KCND3: variants seen among roughly 807,000 people sequenced by gnomAD.
KCND3 encodes the protein potassium voltage-gated channel subfamily D member 3.
Under a neutral mutation model 51.1 loss-of-function variants are expected in KCND3, and 9 were observed. The observed-to-expected ratio is 0.18, with a 90% CI of 0.11 to 0.31. The LOEUF is 0.31. KCND3 is among the 10% of genes least tolerant of loss of function. The pLI, the probability that KCND3 is intolerant of heterozygous loss-of-function variation, is 1.00. For missense variants in KCND3, 526 were observed against 903.8 expected (o/e 0.58, Z 5.36); for synonymous variants, 349 against 368.0 (o/e 0.95, Z 0.59).
chr1:111,791,813 C>T (rs1408803004), intron 2 of KCND3, among the ~76,000 whole-genome samples: 1 of 152,112 alleles, frequency 6.6e-6, no homozygotes, highest in African/African-American at 2.4e-5. Flanking sequence ...CATTTTTATT[C>T]AAATAATCAA....
intron 2 of KCND3, among the ~76,000 whole-genome samples, chr1:111,791,369 C>T (rs915938545): frequency 2.6e-5 from 4 of 152,208 alleles, no homozygotes; most frequent in Non-Finnish European, 4.4e-5. Flanking sequence ...CTGCAACAAG[C>T]AAAGCTCTGG....
At chr1:111,944,508 G>A (rs971228773) in intron 2 of KCND3, among the ~76,000 whole-genome samples, 2 of 152,196 alleles carry the variant, frequency 1.3e-5, no homozygotes, top group African/African-American at 4.8e-5. Flanking sequence ...ACCTTTGCGA[G>A]GTGAAGCCCG....
rs892098327 is a variant in KCND3, at chr1:111,982,929, TCC to T, written c.-72-133_-72-132del. ...CCAGGGCAGATTAATAAAACTGAAA[TCC>T]CCACCACAGAGAGGGGACTTGATTC... On this transcript the variant is annotated intron_variant, in intron 1 of 7. Transcript: ENST00000302127. The surrounding 1 kb of genome is among the most constrained non-coding windows in gnomAD (Gnocchi z 8.5). The T allele has an allele frequency of 1.5e-6, 1 of 682,112 alleles. No homozygotes were observed. The highest frequency in any genetic ancestry group is 1.8e-5 in the African/African-American group (1 of 55,484). The allele number at this position is 682,112 out of a possible 1,614,324, so 42.3% of individuals were successfully genotyped here.
At chr1:111,845,728 G>A (rs1305479407) in intron 2 of KCND3, among the ~76,000 whole-genome samples, 3 of 152,188 alleles carry the variant, frequency 2.0e-5, no homozygotes, top group Non-Finnish European at 4.4e-5. Context: ...GACAAACAGA[G>A]TGAGACACAG....
chr1:111,903,536 A>C (rs1454108922), intron 2 of KCND3, among the ~76,000 whole-genome samples: 1 of 152,236 alleles, frequency 6.6e-6, no homozygotes, highest in African/African-American at 2.4e-5. Context: ...TGATCTCTGA[A>C]TCTGCTCATT....
At chr1:111,776,802 T>C (rs529127730) in intron 7 of KCND3, among the ~76,000 whole-genome samples, 125 of 152,144 alleles carry the variant, frequency 8.2e-4, no homozygotes, top group African/African-American at 2.7e-3. Flanking sequence ...TTTTTTTTTT[T>C]CCCTGTTACC....
chr1:111,928,425 T>C (rs1671812026), intron 2 of KCND3, among the ~76,000 whole-genome samples: 1 of 152,220 alleles, frequency 6.6e-6, no homozygotes, highest in Non-Finnish European at 1.5e-5. Context: ...GGCCCATGCC[T>C]GCTGTTCCAC....
rs143131071 is a variant in KCND3, at chr1:111,850,576, G to T, written c.1107-63470C>A. 3.0e-3 allele frequency among the ~76,000 whole-genome samples: 458 copies of T among 152,330 alleles called. 4 individuals carry two copies. The highest frequency in any genetic ancestry group is 0.01 in the African/African-American group (434 of 41,562). On this transcript the variant is annotated intron_variant, in intron 2 of 7. Coordinates refer to ENST00000302127, the MANE Select transcript of KCND3 (RefSeq NM_001378969.1). ...ACAGACCCTGGGTCATAGCCTGGGC[G>T]CACTGAACTGGAACCTCCAGGACAG...
At position 111,981,702 on chromosome 1, in the gene KCND3, G is replaced by A; in HGVS notation, c.1025C>T (p.Ala342Val). The A allele has an allele frequency of 6.2e-7, 1 of 1,614,144 alleles. No homozygotes were observed. Among genetic ancestry groups the A allele is most frequent in the Non-Finnish European group, 8.5e-7 (1 of 1,180,032 alleles). Residue 342 changes from alanine (A) to valine (V), a missense_variant, in exon 2 of 8, where the codon GCC (alanine) becomes GTC (valine). Ala to Val is a moderately conservative substitution (Grantham distance 64). Transcript: ENST00000302127. This position sits in a 1 kb window ranked among gnomAD's most constrained non-coding sequence, Gnocchi z 6.2. ...CTTGCTGGCCGAGGAGCCCTTCTCG[G>A]CATAAAACATCACAGTGGCAAAGAT... ...IIIFATVMFY[A>V]EKGSSASKFT...
At chr1:111,940,832 T>A (rs906331247) in intron 2 of KCND3, among the ~76,000 whole-genome samples, 5 of 152,182 alleles carry the variant, frequency 3.3e-5, no homozygotes, top group Admixed American at 3.3e-4. Flanking sequence ...CATTTTTTAA[T>A]CTCTCCCCCT....
intron 2 of KCND3, among the ~76,000 whole-genome samples, chr1:111,848,432 A>G (rs1454390697): frequency 6.6e-6 from 1 of 152,318 alleles, no homozygotes; most frequent in East Asian, 1.9e-4. Context: ...TCCTTTCCTG[A>G]TGACTAACTC....
chr1:111,824,728 G>T (rs1023068592), intron 2 of KCND3, among the ~76,000 whole-genome samples: 1 of 152,176 alleles, frequency 6.6e-6, no homozygotes, highest in African/African-American at 2.4e-5. Flanking sequence ...CCAGATCACT[G>T]CATCCAGACA....
intron 2 of KCND3, among the ~76,000 whole-genome samples, chr1:111,871,425 A>G (rs182708818): frequency 6.6e-6 from 1 of 152,316 alleles, no homozygotes; most frequent in Non-Finnish European, 1.5e-5. Context: ...CACAATTGGT[A>G]GGTCCTAGAG....
intron 2 of KCND3, among the ~76,000 whole-genome samples, chr1:111,871,598 T>C (rs575804092): frequency 1.1e-4 from 16 of 152,218 alleles, no homozygotes; most frequent in African/African-American, 3.9e-4. Context: ...GACACAAAGA[T>C]AGAAAAGCAG....
chr1:111,921,060 A>C (rs1008831221), intron 2 of KCND3, among the ~76,000 whole-genome samples: 3 of 152,174 alleles, frequency 2.0e-5, no homozygotes, highest in South Asian at 4.1e-4. Context: ...GGAAAGAGTA[A>C]GGAAAACTAA....
intron 2 of KCND3, among the ~76,000 whole-genome samples, chr1:111,798,562 A>G (rs1253890217): frequency 1.3e-5 from 2 of 151,882 alleles, no homozygotes; most frequent in East Asian, 1.9e-4. Flanking sequence ...TAGGGACTCA[A>G]TTGTTCATGA....
intron 2 of KCND3, among the ~76,000 whole-genome samples, chr1:111,868,009 T>C (rs1668654318): frequency 1.3e-5 from 2 of 152,158 alleles, no homozygotes; most frequent in African/African-American, 4.8e-5. Context: ...TGTTAGAAGA[T>C]TTCAATGAAA....
chr1:111,913,351 A>G (rs1671053215), intron 2 of KCND3, among the ~76,000 whole-genome samples: 1 of 152,202 alleles, frequency 6.6e-6, no homozygotes, highest in Non-Finnish European at 1.5e-5. Context: ...CTCAGACTGT[A>G]TCCCCATTGT....
chr1:111,775,728 TC>T lies in KCND3; in HGVS notation c.*348del. On this transcript the variant is annotated 3_prime_UTR_variant, in exon 8 of 8. Coordinates refer to ENST00000302127, the MANE Select transcript of KCND3 (RefSeq NM_001378969.1). ...GTCTTGTATTTTCCTCACTGGGGTC[TC>T]CAGAAACGACTGTTATTTGGTCTGA... is the stretch of plus-strand genomic sequence containing the variant. The T allele has an allele frequency of 2.7e-6, 1 of 375,150 alleles. No homozygotes were observed. Among genetic ancestry groups the T allele is most frequent in the South Asian group, 2.6e-5 (1 of 37,906 alleles). The allele number at this position is 375,150 out of a possible 1,614,324, so 23.2% of individuals were successfully genotyped here.
Sources: allele counts gnomAD v4.1 joint callset (sites outside exome capture counted in the v4.1 genomes callset), GRCh38; gene constraint gnomAD v4.1.1; non-coding constraint Gnocchi (gnomAD v3.1); transcripts MANE v1.5; gene names NCBI Gene and HGNC (gene_info 2026-07-23, HGNC 2026-07-21).